The following PAQR5 variants were observed in gnomAD, a reference collection of about 807,000 sequenced individuals.
PAQR5 encodes the protein membrane progestin receptor gamma.
PAQR5 carries 20 observed loss-of-function variants against 34.5 expected under a neutral mutation model. The ratio of observed to expected loss-of-function variants is 0.58; its 90% CI spans 0.41 to 0.84. PAQR5 has a LOEUF of 0.84. PAQR5 is among the 40% of genes least tolerant of loss of function. The pLI is 0.00. For missense variants in PAQR5, 378 were observed against 412.7 expected, an observed-to-expected ratio of 0.92 and a Z score of 0.73; for synonymous variants, 131 against 155.6, an observed-to-expected ratio of 0.84 and a Z score of 1.18.
chr15:69,386,322 T>TA (rs2056109067), intron 5 of PAQR5, among the ~76,000 whole-genome samples: 2 of 151,654 alleles, frequency 1.3e-5, no homozygotes, highest in African/African-American at 4.8e-5. Context: ...CTCACACACA[T>TA]ACACACACAC....
At chr15:69,300,277 G>GGCAGGGACCTGCTTTGTTCCCT (rs935708644) in intron 1 of PAQR5, among the ~76,000 whole-genome samples, 13 of 152,130 alleles carry the variant, frequency 8.5e-5, no homozygotes, top group South Asian at 2.1e-4. Context: ...ACTGCAGGAG[G>GGCAGGGACCTGCTTTGTTCCCT]GCAGGGACCT....
rs903672801 is a variant in PAQR5 at position 69,384,724 on chromosome 15, A to G, written c.227A>G (p.Lys76Arg). Residue 76 changes from lysine (K) to arginine (R), a missense_variant, in exon 5 of 9, where the codon AAG becomes AGG. Physicochemically the swap from Lys to Arg is conservative, Grantham distance 26. Coordinates refer to ENST00000395407, the MANE Select transcript of PAQR5 (RefSeq NM_017705.4). ...FVTALYMTDI[K>R]NDSYSWPMLV... ...ACTGCACTGTATATGACAGACATCAAGAATGACAGCTACTCCTGGCCCATG... is the reference window on the plus strand; with the variant it reads ...ACTGCACTGTATATGACAGACATCAGGAATGACAGCTACTCCTGGCCCATG... 1 of 1,614,134 alleles carries G rather than the reference A, an allele frequency of 6.2e-7. No homozygotes were observed. Among genetic ancestry groups the G allele is most frequent in the African/African-American group, 1.3e-5 (1 of 75,044 alleles).
Position 69,385,020 on chromosome 15 carries a change from T to A in PAQR5, c.385+138T>A. The A allele has an allele frequency of 1.6e-6, 1 of 641,848 alleles. No individual in the cohort carries two copies. Among genetic ancestry groups the A allele is most frequent in the South Asian group, 1.9e-5 (1 of 51,816 alleles). 39.8% of individuals were successfully genotyped at this position (641,848 alleles called of 1,614,324 possible). ...ATTATGCCAGTGCCCCTGTCCAGGTTCCCAATGGGTGTTTTATAAGAAACT... is the reference window on the plus strand; with the variant it reads ...ATTATGCCAGTGCCCCTGTCCAGGTACCCAATGGGTGTTTTATAAGAAACT... On this transcript the variant is annotated intron_variant, in intron 5 of 8. Coordinates refer to ENST00000395407, the MANE Select transcript of PAQR5 (RefSeq NM_017705.4). The surrounding 1 kb of genome is among the most constrained non-coding windows in gnomAD (Gnocchi z 4.7).
intron 3 of PAQR5, 109 bp downstream of exon 3, chr15:69,360,240 C>T: frequency 1.4e-6 from 1 of 722,690 alleles, no homozygotes. Flanking sequence ...CAGGCCCATT[C>T]CCTTCAAGGA....
At chr15:69,395,325 A>T (rs1444754512) in intron 6 of PAQR5, among the ~76,000 whole-genome samples, 2 of 152,206 alleles carry the variant, frequency 1.3e-5, no homozygotes, top group African/African-American at 2.4e-5. Context: ...AGGGGGTGAC[A>T]CTTGGGGGCC....
chr15:69,390,376 G>T (rs762897790), intron 6 of PAQR5, among the ~76,000 whole-genome samples: 2 of 133,510 alleles, frequency 1.5e-5, no homozygotes, highest in Non-Finnish European at 3.3e-5. Context: ...TTGAGACAGG[G>T]TCTCTCTCTG....
At chr15:69,392,096 A>C (rs537198157) in intron 6 of PAQR5, 1 of 206,818 alleles carries the variant, frequency 4.8e-6, no homozygotes, top group Non-Finnish European at 1.0e-5. Flanking sequence ...TGGCTTCCCC[A>C]TGAGCTCATA....
chr15:69,306,356 T>C (rs530472918), intron 1 of PAQR5, among the ~76,000 whole-genome samples: 1 of 151,878 alleles, frequency 6.6e-6, no homozygotes, highest in African/African-American at 2.4e-5. Flanking sequence ...TTTTTTACCA[T>C]TTAACCTTTA....
At chr15:69,376,322 TC>T (rs2055704711) in intron 3 of PAQR5, among the ~76,000 whole-genome samples, 2 of 151,666 alleles carry the variant, frequency 1.3e-5, no homozygotes, top group East Asian at 3.9e-4. Context: ...TACAAAATTG[TC>T]TTCAAATATT....
In PAQR5 at chr15:69,323,195, CAA is replaced by C. The variant is rs368504126; in HGVS notation, c.-276-14145_-276-14144del. Reference sequence around the variant, plus strand: ...TCCTGGAGCCCTCTGTCCACTAGGCCAAGAGTCTGCCTGGATCTCCATGAGTC... The same window carrying C: ...TCCTGGAGCCCTCTGTCCACTAGGCCGAGTCTGCCTGGATCTCCATGAGTC... On this transcript the variant is annotated intron_variant, in intron 1 of 8. Transcript: ENST00000395407. Among the ~76,000 whole-genome samples the C allele has an allele frequency of 3.0e-3, 459 of 152,296 alleles. 2 individuals are homozygous for C. Among genetic ancestry groups the C allele is most frequent in the African/African-American group, 8.7e-3 (363 of 41,564 alleles).
chr15:69,312,275 T>G (rs2053849742), intron 1 of PAQR5, among the ~76,000 whole-genome samples: 1 of 151,968 alleles, frequency 6.6e-6, no homozygotes, highest in Admixed American at 6.6e-5. Flanking sequence ...GAAAACAGGA[T>G]TTTTCTTTCC....
At chr15:69,375,187 A>T (rs1030650306) in intron 3 of PAQR5, among the ~76,000 whole-genome samples, 3 of 152,164 alleles carry the variant, frequency 2.0e-5, no homozygotes, top group Non-Finnish European at 4.4e-5. Flanking sequence ...CAAGGTTTGG[A>T]CAGGGGCAGT....
At chr15:69,299,995 A>C (rs868076318) in intron 1 of PAQR5, among the ~76,000 whole-genome samples, 7 of 152,244 alleles carry the variant, frequency 4.6e-5, no homozygotes, top group Non-Finnish European at 1.0e-4. Context: ...AGGAGGCCCA[A>C]CAAAGCTCAG....
intron 8 of PAQR5, among the ~76,000 whole-genome samples, chr15:69,402,793 C>T (rs978080696): frequency 2.6e-5 from 4 of 152,222 alleles, no homozygotes; most frequent in South Asian, 2.1e-4. Context: ...CACATGTGGT[C>T]GCCTCCTTAC....
chr15:69,339,168 A>AGGGGGGGGGCCCCCCCCCCCC, intron 2 of PAQR5, among the ~76,000 whole-genome samples: 1 of 134,166 alleles, frequency 7.5e-6, no homozygotes, highest in Non-Finnish European at 1.7e-5. Context: ...CCCACTGGCT[A>AGGGGGGGGGCCCCCCCCCCCC]CACCCCCCAC....
chr15:69,365,350 C>T (rs1213885504), intron 3 of PAQR5, among the ~76,000 whole-genome samples: 1 of 151,932 alleles, frequency 6.6e-6, no homozygotes, highest in Non-Finnish European at 1.5e-5. Flanking sequence ...TCAGGTGATC[C>T]ACCTGCCTCA....
chr15:69,375,713 A>G (rs529748411), intron 3 of PAQR5, among the ~76,000 whole-genome samples: 1 of 152,246 alleles, frequency 6.6e-6, no homozygotes, highest in South Asian at 2.1e-4. Context: ...TCCAGGCCTC[A>G]GTTTCCTTTT....
intron 1 of PAQR5, among the ~76,000 whole-genome samples, chr15:69,311,063 A>AAAAAAAAT (rs2053824503): frequency 6.7e-6 from 1 of 149,854 alleles, no homozygotes; most frequent in Non-Finnish European, 1.5e-5. Flanking sequence ...AAAAAAAAAA[A>AAAAAAAAT]AAGAATAATG....
intron 1 of PAQR5, among the ~76,000 whole-genome samples, chr15:69,305,853 C>T (rs1176014256): frequency 6.6e-6 from 1 of 152,196 alleles, no homozygotes; most frequent in African/African-American, 2.4e-5. Context: ...GACCTTGTCG[C>T]TTAATGGAAG....
Sources: gnomAD v4.1 joint callset for allele counts (sites outside exome capture counted in the v4.1 genomes callset) on GRCh38, gnomAD v4.1.1 for gene constraint, Gnocchi (gnomAD v3.1) non-coding constraint, MANE v1.5 for transcripts, NCBI Gene and HGNC (gene_info 2026-07-23, HGNC 2026-07-21) for gene names.